The following ZMYM5 variants were observed in gnomAD, a reference collection of about 807,000 sequenced individuals.
ZMYM5 encodes the protein zinc finger MYM-type containing 5.
In ZMYM5, 41 loss-of-function variants were observed where a neutral mutation model predicts 61.8. The ratio of observed to expected loss-of-function variants is 0.66; its 90% CI spans 0.52 to 0.86. ZMYM5 has a LOEUF of 0.86. Ranked by LOEUF, ZMYM5 falls within the 40% of genes least tolerant of loss-of-function variation. The pLI is 0.00. For missense variants in ZMYM5, 706 were observed against 786.7 expected (o/e 0.90, Z 1.23); for synonymous variants, 257 against 276.4 (o/e 0.93, Z 0.70).
In ZMYM5 at chr13:19,830,964, A is replaced by G. The variant is rs375211656; in HGVS notation, c.1251+4513T>C. ...TCGCCATTCTCCTGTCTCAGCCTCC[A>G]GGGTAGTTGGGACTACAGGTGCCTG... On this transcript the variant is annotated intron_variant, in intron 7 of 7. Coordinates refer to ENST00000337963, the MANE Select transcript of ZMYM5 (RefSeq NM_001142684.2). Among the ~76,000 whole-genome samples the G allele has an allele frequency of 3.5e-5, 5 of 143,920 alleles. No homozygotes were observed. In the East Asian group the frequency reaches 1.0e-3, roughly 30 times the overall value. 94.4% of individuals were successfully genotyped at this position (143,920 alleles called of 152,430 possible).
chr13:19,851,564 A>G (rs969589950), intron 3 of ZMYM5, 116 bp from the exon 4 acceptor site: 2 of 1,541,862 alleles, frequency 1.3e-6, no homozygotes, highest in Non-Finnish European at 1.8e-6. Context: ...ATATGTAATA[A>G]TTATGTTCAC....
At chr13:19,854,837 A>G (rs991880796) in intron 2 of ZMYM5, among the ~76,000 whole-genome samples, 1 of 152,170 alleles carries the variant, frequency 6.6e-6, no homozygotes, top group African/African-American at 2.4e-5. Flanking sequence ...CCATTGCTGA[A>G]AAAGGTAGTC....
At chr13:19,838,307 G>A (rs1457450033) in intron 5 of ZMYM5, among the ~76,000 whole-genome samples, 1 of 152,198 alleles carries the variant, frequency 6.6e-6, no homozygotes, top group Non-Finnish European at 1.5e-5. Context: ...GAACCTGGGA[G>A]GTGGAAGTTG....
intron 7 of ZMYM5, among the ~76,000 whole-genome samples, chr13:19,826,175 A>G (rs758006070): frequency 8.5e-5 from 13 of 152,146 alleles, no homozygotes; most frequent in African/African-American, 2.2e-4. Context: ...GGCTCAAAAA[A>G]ACAAAAAACA....
chr13:19,847,877 TCTC>T (rs1454792276), intron 4 of ZMYM5, among the ~76,000 whole-genome samples: 1 of 146,594 alleles, frequency 6.8e-6, no homozygotes, highest in Non-Finnish European at 1.5e-5. Flanking sequence ...ATGGTCTCGA[TCTC>T]CTGACCTCGT....
intron 2 of ZMYM5, 133 bp downstream of exon 2, chr13:19,862,266 G>A (rs1953796273): frequency 1.3e-5 from 2 of 151,870 alleles, no homozygotes; most frequent in Non-Finnish European, 1.5e-5. Flanking sequence ...TGGGGACAGG[G>A]GCACCCAAGC....
At chr13:19,852,478 ATAAT>A (rs1187860150) in intron 2 of ZMYM5, among the ~76,000 whole-genome samples, 1 of 152,186 alleles carries the variant, frequency 6.6e-6, no homozygotes, top group Non-Finnish European at 1.5e-5. Context: ...TAGTAACAAA[ATAAT>A]TAAATTAAAT....
intron 2 of ZMYM5, among the ~76,000 whole-genome samples, chr13:19,853,415 A>T (rs1451033829): frequency 6.6e-6 from 1 of 152,142 alleles, no homozygotes; most frequent in Non-Finnish European, 1.5e-5. Context: ...GTAGGTATGC[A>T]GAAACAATAC....
chr13:19,829,660 T>C (rs1254335354), intron 7 of ZMYM5, among the ~76,000 whole-genome samples: 1 of 152,136 alleles, frequency 6.6e-6, no homozygotes, highest in East Asian at 1.9e-4. Context: ...ACAGGTATGA[T>C]CCTAGTGCAC....
rs764850031 is a variant in ZMYM5 at position 19,838,865 on chromosome 13, AGTT to A, written c.704_706del (p.Gln235del). The A allele has an allele frequency of 7.7e-5, 125 of 1,613,952 alleles. No individual in the cohort carries two copies. The highest frequency in any genetic ancestry group is 2.8e-4 in the Admixed American group (17 of 59,952). On this transcript the variant is annotated inframe_deletion, in exon 5 of 8. Transcript: ENST00000337963. ...ACAAGTGATTTTAGCTGGTTTAGTA[AGTT>A]GTTGTTGGGCTGTAGGCTGGAAATT...
chr13:19,847,753 C>T (rs1308312241), intron 4 of ZMYM5, among the ~76,000 whole-genome samples: 2 of 146,666 alleles, frequency 1.4e-5, no homozygotes, highest in South Asian at 2.2e-4. Context: ...TCTCCTGCCT[C>T]AGCCTCCCGA....
chr13:19,848,307 GT>G (rs1412706862), intron 4 of ZMYM5, among the ~76,000 whole-genome samples: 2 of 151,888 alleles, frequency 1.3e-5, no homozygotes, highest in Non-Finnish European at 2.9e-5. Context: ...TTGAGACCGG[GT>G]CTCACTCTAT....
chr13:19,834,903 G>C (rs1221981434), intron 7 of ZMYM5, among the ~76,000 whole-genome samples: 1 of 151,694 alleles, frequency 6.6e-6, no homozygotes, highest in Non-Finnish European at 1.5e-5. Flanking sequence ...TGCCCAGTCT[G>C]GTTTCAAAAT....
intron 7 of ZMYM5, among the ~76,000 whole-genome samples, chr13:19,831,216 T>A (rs1318272289): frequency 2.7e-5 from 4 of 150,696 alleles, no homozygotes; most frequent in African/African-American, 9.7e-5. Context: ...AGTCTTGACC[T>A]CCCAAGCTCA....
chr13:19,835,736 T>C (rs752153055), intron 6 of ZMYM5, 47 bp from the exon 7 acceptor site: 2 of 1,303,054 alleles, frequency 1.5e-6, no homozygotes, highest in South Asian at 2.4e-5. Flanking sequence ...TGAACCAGAT[T>C]AGCATAGCAA....
chr13:19,835,760 T>C (rs1157975283), intron 6 of ZMYM5, 71 bp from the exon 7 acceptor site: 4 of 1,126,208 alleles, frequency 3.6e-6, no homozygotes, highest in East Asian at 9.7e-5. Context: ...ATGAGATAAC[T>C]AGTTTCTGCA....
intron 7 of ZMYM5, among the ~76,000 whole-genome samples, chr13:19,831,283 T>C (rs1257396502): frequency 1.6e-5 from 2 of 123,412 alleles, no homozygotes; most frequent in African/African-American, 5.1e-5. Flanking sequence ...TGTGTCACCA[T>C]GCCTGCTAAT....
intron 2 of ZMYM5, among the ~76,000 whole-genome samples, chr13:19,855,515 G>T (rs540876275): frequency 4.9e-4 from 74 of 151,622 alleles, no homozygotes; most frequent in Non-Finnish European, 5.3e-4. Flanking sequence ...ACCCGCCTGG[G>T]CCTCTCAAAG....
intron 5 of ZMYM5, 102 bp from the exon 6 acceptor site, chr13:19,837,923 T>A: frequency 7.6e-7 from 1 of 1,308,220 alleles, no homozygotes. Context: ...TATGATTTAA[T>A]ACTAGAAATC....
Sources: gnomAD v4.1 joint callset for allele counts (sites outside exome capture counted in the v4.1 genomes callset) on GRCh38, gnomAD v4.1.1 for gene constraint, MANE v1.5 for transcripts, NCBI Gene and HGNC (gene_info 2026-07-23, HGNC 2026-07-21) for gene names.